The following GLT1D1 variants were observed in gnomAD, a reference collection of about 807,000 sequenced individuals.
The protein encoded by GLT1D1 is glycosyltransferase 1 domain containing 1, also known as glycosyltransferase 1 domain-containing protein 1.
GLT1D1 carries 21 observed loss-of-function variants against 28.7 expected under a neutral mutation model. The observed-to-expected ratio is 0.73, with a 90% CI of 0.52 to 1.05. The LOEUF (loss-of-function observed/expected upper bound fraction) is 1.05, where lower values mean the gene tolerates loss of function less well. Among genes scored for constraint, GLT1D1 ranks in the 50% least tolerant of loss-of-function variants. The pLI, the probability that GLT1D1 is intolerant of heterozygous loss-of-function variation, is 0.00. For synonymous variants in GLT1D1, 147 were observed against 124.8 expected (o/e 1.18, Z -1.19); for missense variants, 343 against 330.6 (o/e 1.04, Z -0.29).
chr12:128,974,847 A>C (rs1200856182), intron 7 of GLT1D1, among the ~76,000 whole-genome samples: 2 of 152,148 alleles, frequency 1.3e-5, no homozygotes, highest in African/African-American at 4.8e-5. Flanking sequence ...TGCTGTTGTT[A>C]ATTTCTGGCT....
At chr12:128,965,934 G>A (rs1878417118) in intron 7 of GLT1D1, among the ~76,000 whole-genome samples, 1 of 152,166 alleles carries the variant, frequency 6.6e-6, no homozygotes, top group African/African-American at 2.4e-5. Context: ...AAGAAGGCAA[G>A]GGAAGAGTTT....
At chr12:128,970,622 G>A (rs1593206217) in intron 7 of GLT1D1, among the ~76,000 whole-genome samples, 2 of 152,332 alleles carry the variant, frequency 1.3e-5, no homozygotes, top group Admixed American at 6.5e-5. Context: ...CCCCCTCCTC[G>A]TTCCAGGCTT....
chr12:128,927,735 C>T (rs542301554), intron 4 of GLT1D1, among the ~76,000 whole-genome samples: 61 of 151,744 alleles, frequency 4.0e-4, no homozygotes, highest in Admixed American at 1.1e-3. Context: ...CACTGGCTCA[C>T]GCCTGTAATC....
intron 4 of GLT1D1, among the ~76,000 whole-genome samples, chr12:128,911,297 CCTT>C (rs1871498715): frequency 6.6e-6 from 1 of 152,238 alleles, no homozygotes; most frequent in African/African-American, 2.4e-5. Flanking sequence ...GGGCCAGTCT[CCTT>C]CTTCCTGTTG....
chr12:128,965,730 A>AAAAAAG (rs1565918400), intron 7 of GLT1D1, among the ~76,000 whole-genome samples: 1 of 144,422 alleles, frequency 6.9e-6, no homozygotes, highest in African/African-American at 2.6e-5. Flanking sequence ...AAAAAAAAAA[A>AAAAAAG]AAAAAGAAAA....
chr12:128,877,989 C>T (rs758184075), intron 2 of GLT1D1, among the ~76,000 whole-genome samples: 9 of 152,174 alleles, frequency 5.9e-5, no homozygotes, highest in East Asian at 1.9e-4. Flanking sequence ...AGTGTCCTCA[C>T]GATGTGATGG....
chr12:128,869,315 G>A (rs1056291580), intron 1 of GLT1D1, among the ~76,000 whole-genome samples: 9 of 151,984 alleles, frequency 5.9e-5, no homozygotes, highest in Admixed American at 1.3e-4. Context: ...TACTACAGGC[G>A]TGAACCACCA....
At chr12:128,922,508 T>C (rs932050832) in intron 4 of GLT1D1, among the ~76,000 whole-genome samples, 1 of 152,224 alleles carries the variant, frequency 6.6e-6, no homozygotes, top group Non-Finnish European at 1.5e-5. Context: ...TTCAAATGCC[T>C]AACCTCAAAT....
chr12:128,946,436 T>C (rs1876088160), intron 5 of GLT1D1, among the ~76,000 whole-genome samples: 1 of 151,992 alleles, frequency 6.6e-6, no homozygotes, highest in South Asian at 2.1e-4. Context: ...AAGCTCCACC[T>C]CCTGGGTTCA....
At chr12:128,964,690 A>G (rs974746707) in intron 7 of GLT1D1, among the ~76,000 whole-genome samples, 1 of 152,232 alleles carries the variant, frequency 6.6e-6, no homozygotes, top group Non-Finnish European at 1.5e-5. Context: ...TGTAAGTGTC[A>G]GAGCCAGACC....
rs554553898 is a variant in GLT1D1 at position 128,865,065 on chromosome 12, G to C, written c.69-10849G>C. Among the ~76,000 whole-genome samples the C allele has an allele frequency of 7.2e-5, 11 of 152,280 alleles. No individual in the cohort carries two copies. The South Asian group carries it at 2.3e-3, about 32-fold the overall frequency. ...CTTTTCACTTTCAACACAGCAGTCA[G>C]GCTGAGTCTGGTGAAATGCTCAGCC... On this transcript the variant is annotated intron_variant, in intron 1 of 7. Transcript: ENST00000281703.
intron 4 of GLT1D1, among the ~76,000 whole-genome samples, chr12:128,899,706 T>A (rs1041465151): frequency 1.3e-5 from 2 of 151,970 alleles, no homozygotes; most frequent in African/African-American, 4.8e-5. Flanking sequence ...CACACCACCA[T>A]ACCCAGCTAA....
In GLT1D1 at chr12:128,873,479, C is replaced by T. The variant is rs894084027; in HGVS notation, c.69-2435C>T. 3.9e-5 allele frequency among the ~76,000 whole-genome samples: 6 copies of T among 152,146 alleles called. No homozygotes were observed. The East Asian group carries it at 5.8e-4, about 15-fold the overall frequency. Reference sequence around the variant, plus strand: ...TTTTTGCTACTTCACAGCTGCAGTGCGTATTCCTGGGTGCATGCTTTTGCA... The same window carrying T: ...TTTTTGCTACTTCACAGCTGCAGTGTGTATTCCTGGGTGCATGCTTTTGCA... On this transcript the variant is annotated intron_variant, in intron 1 of 7. Transcript: ENST00000281703.
intron 4 of GLT1D1, among the ~76,000 whole-genome samples, chr12:128,913,178 G>T (rs1371841149): frequency 6.6e-6 from 1 of 151,972 alleles, no homozygotes; most frequent in Non-Finnish European, 1.5e-5. Context: ...CCCTATGGTG[G>T]CATCTGAGGC....
chr12:128,960,693 G>T (rs530100917), intron 7 of GLT1D1, among the ~76,000 whole-genome samples: 1 of 151,712 alleles, frequency 6.6e-6, no homozygotes, highest in South Asian at 2.1e-4. Flanking sequence ...GGAGGGGGAG[G>T]TTGCAGTGAG....
chr12:128,940,045 C>T (rs182412366), intron 4 of GLT1D1, among the ~76,000 whole-genome samples: 41 of 151,286 alleles, frequency 2.7e-4, no homozygotes, highest in Admixed American at 2.1e-3. Context: ...TTGGTGGTGC[C>T]GTCTGTAGCT....
intron 4 of GLT1D1, among the ~76,000 whole-genome samples, chr12:128,942,152 C>A (rs1875364930): frequency 6.6e-6 from 1 of 151,260 alleles, no homozygotes; most frequent in Non-Finnish European, 1.5e-5. Context: ...ACTGAGACAT[C>A]AGGCAGCAGG....
chr12:128,961,720 G>T (rs1479982299), intron 7 of GLT1D1, among the ~76,000 whole-genome samples: 1 of 152,020 alleles, frequency 6.6e-6, no homozygotes, highest in East Asian at 1.9e-4. Context: ...CATTGCTGAG[G>T]GTGCATCTTC....
chr12:128,969,915 G>A (rs571565633), intron 7 of GLT1D1, among the ~76,000 whole-genome samples: 3 of 152,066 alleles, frequency 2.0e-5, no homozygotes, highest in East Asian at 1.9e-4. Flanking sequence ...CTCCAGCTGG[G>A]GACTGTGATT....
Sources: gnomAD v4.1 joint callset for allele counts (sites outside exome capture counted in the v4.1 genomes callset) on GRCh38, gnomAD v4.1.1 for gene constraint, MANE v1.5 for transcripts, NCBI Gene and HGNC (gene_info 2026-07-23, HGNC 2026-07-21) for gene names.